CELF2: variants seen among roughly 807,000 people sequenced by gnomAD.
The protein encoded by CELF2 is CUGBP Elav-like family member 2.
A neutral mutation model predicts 62.6 loss-of-function variants in CELF2; 8 were observed. That is an observed-to-expected ratio of 0.13 (90% confidence interval 0.07 to 0.23). CELF2 has a LOEUF of 0.23. Among genes scored for constraint, CELF2 ranks in the 10% least tolerant of loss-of-function variants. CELF2 has a pLI of 1.00. For missense variants in CELF2, 333 were observed against 671.0 expected (o/e 0.50, Z 5.56); for synonymous variants, 258 against 250.0 (o/e 1.03, Z -0.30).
chr10:11,169,481 T>C (rs2068182232), intron 2 of CELF2, among the ~76,000 whole-genome samples: 1 of 152,228 alleles, frequency 6.6e-6, no homozygotes, highest in Non-Finnish European at 1.5e-5. Flanking sequence ...GCTTCAGGCA[T>C]GCAGGTGCGG....
intron 1 of CELF2, among the ~76,000 whole-genome samples, chr10:11,100,341 C>T (rs2051216849): frequency 6.6e-6 from 1 of 152,042 alleles, no homozygotes; most frequent in South Asian, 2.1e-4. Context: ...GGCCCTTTTC[C>T]ATTCCTAGGA....
chr10:11,145,333 T>C lies in CELF2; in HGVS notation c.75-20153T>C, dbSNP rs75538228. ...TTGAAAGAGCTGGCTGAGCTTCAGA[T>C]GGGTTTGCAGGAGTGTCAGGATTCA... On this transcript the variant is annotated intron_variant, in intron 1 of 12. Transcript: ENST00000633077. This position sits in a 1 kb window ranked among gnomAD's most constrained non-coding sequence, Gnocchi z 4.3. Among the ~76,000 whole-genome samples, 5,516 of 152,266 alleles carry C rather than the reference T, an allele frequency of 0.036. 127 individuals are homozygous for C. Among genetic ancestry groups the C allele is most frequent in the Middle Eastern group, 0.048 (14 of 294 alleles).
At chr10:10,798,614 G>A (rs1159841395), upstream of CELF2, 1 of 396,936 alleles carries the variant, frequency 2.5e-6, no homozygotes, top group Non-Finnish European at 4.4e-6. Context: ...TTGCGGGGTG[G>A]AGAGAAGTCA....
Position 10,993,133 on chromosome 10 carries a change from G to C in CELF2, c.89+73134G>C, listed in dbSNP as rs1232411270. On this transcript the variant is annotated intron_variant, in intron 2 of 13. Coordinates refer to the CELF2 transcript ENST00000636488. The surrounding 1 kb of genome is among the most constrained non-coding windows in gnomAD (Gnocchi z 5.3). ...GCCAGCTGCTGTTTCCCACCGAAGAGGCGAGTCAGCAGATCAGTAATAAGG... is the reference window on the plus strand; with the variant it reads ...GCCAGCTGCTGTTTCCCACCGAAGACGCGAGTCAGCAGATCAGTAATAAGG... Among the ~76,000 whole-genome samples the C allele has an allele frequency of 6.6e-6, 1 of 152,116 alleles. No homozygotes were observed. The highest frequency in any genetic ancestry group is 1.9e-4 in the East Asian group (1 of 5,182).
chr10:10,588,127 C>T, the CELF2 span, among the ~76,000 whole-genome samples: 1 of 152,098 alleles, frequency 6.6e-6, no homozygotes, highest in South Asian at 2.1e-4. Context: ...AGCCAGCAGG[C>T]CTAAAATTGT....
chr10:10,811,161 C>T (rs1002954749), intron 1 of CELF2, among the ~76,000 whole-genome samples: 1 of 152,216 alleles, frequency 6.6e-6, no homozygotes, highest in Non-Finnish European at 1.5e-5. Flanking sequence ...TCAAGGATCT[C>T]ATGGCAGCAG....
intron 2 of CELF2, among the ~76,000 whole-genome samples, chr10:11,210,024 G>A (rs987661808): frequency 2.6e-5 from 4 of 152,090 alleles, no homozygotes; most frequent in Non-Finnish European, 2.9e-5. Flanking sequence ...AAAAAATAGC[G>A]GGTTCACTAA....
chr10:11,120,663 A>G lies in CELF2; in HGVS notation c.75-44823A>G, dbSNP rs550425379. Among the ~76,000 whole-genome samples the G allele has an allele frequency of 5.9e-5, 9 of 152,320 alleles. No individual in the cohort carries two copies. The South Asian group carries it at 1.4e-3, about 25-fold the overall frequency. ...CTGCATTCAACTGTGAAACCCTGAA[A>G]GAGCCTTTGCTGTTACCTTTGCTGC... On this transcript the variant is annotated intron_variant, in intron 1 of 12. Transcript: ENST00000633077.
the CELF2 span, among the ~76,000 whole-genome samples, chr10:10,651,531 A>C: frequency 2.1e-5 from 2 of 94,232 alleles, no homozygotes; most frequent in Admixed American, 1.0e-4. Flanking sequence ...TCTGAGAACC[A>C]GCAGACTGCC....
the CELF2 span, among the ~76,000 whole-genome samples, chr10:10,669,555 C>T: frequency 2.3e-3 from 352 of 152,204 alleles, 2 homozygotes; most frequent in Non-Finnish European, 3.4e-3. Flanking sequence ...TGTGCAGATT[C>T]GGATTCTAAT....
the CELF2 span, among the ~76,000 whole-genome samples, chr10:10,598,248 A>G: frequency 2.6e-3 from 391 of 152,362 alleles, 3 homozygotes; most frequent in African/African-American, 9.0e-3. Context: ...TCAGGTAGAC[A>G]TGAATAAAGT....
intron 1 of CELF2, among the ~76,000 whole-genome samples, chr10:10,805,849 A>C (rs561019330): frequency 6.6e-6 from 1 of 152,330 alleles, no homozygotes; most frequent in African/African-American, 2.4e-5. Flanking sequence ...CCTTGTGTTC[A>C]TTAAGGACCA....
At chr10:11,114,438 C>T (rs989253033) in intron 1 of CELF2, among the ~76,000 whole-genome samples, 1 of 152,188 alleles carries the variant, frequency 6.6e-6, no homozygotes, top group African/African-American at 2.4e-5. Context: ...GATGCTGTGT[C>T]ATATCTTTTT....
chr10:10,695,735 A>G, the CELF2 span, among the ~76,000 whole-genome samples: 1 of 151,858 alleles, frequency 6.6e-6, no homozygotes, highest in African/African-American at 2.4e-5. Flanking sequence ...TAAACTTCCC[A>G]TCTCGCTTCA....
At chr10:11,198,784 A>G (rs1354313635) in intron 2 of CELF2, among the ~76,000 whole-genome samples, 1 of 152,226 alleles carries the variant, frequency 6.6e-6, no homozygotes, top group Non-Finnish European at 1.5e-5. Context: ...TTTTGCATAG[A>G]CTAGGTAGTC....
chr10:10,652,477 G>A, the CELF2 span, among the ~76,000 whole-genome samples: 7 of 133,290 alleles, frequency 5.3e-5, no homozygotes, highest in African/African-American at 2.0e-4. Context: ...AGAGAGAAAG[G>A]TCGGGTTACC....
In CELF2 at chr10:11,270,313, G is replaced by T. The variant is rs75350000; in HGVS notation, c.619-353G>T. ...ACAAAGCCAAGTCTGTCTTTAAGAC[G>T]AGCAGCCTGAGAAGCTCAATTAAAG... On this transcript the variant is annotated intron_variant, in intron 6 of 12. Transcript: ENST00000633077. The surrounding 1 kb of genome is among the most constrained non-coding windows in gnomAD (Gnocchi z 5.8). Among the ~76,000 whole-genome samples, 1 of 152,140 alleles carries T rather than the reference G, an allele frequency of 6.6e-6. No homozygotes were observed. Among genetic ancestry groups the T allele is most frequent in the Non-Finnish European group, 1.5e-5 (1 of 68,038 alleles).
the CELF2 span, among the ~76,000 whole-genome samples, chr10:10,528,107 G>T: frequency 2.0e-5 from 3 of 152,154 alleles, no homozygotes; most frequent in African/African-American, 7.2e-5. Flanking sequence ...CGCCAGATGT[G>T]CTTTCAATTT....
the CELF2 span, among the ~76,000 whole-genome samples, chr10:10,786,144 G>T: frequency 7.6e-3 from 1,164 of 152,234 alleles, 18 homozygotes; most frequent in African/African-American, 0.026. Context: ...ACTGGCTCCG[G>T]GGTCAGCCAC....
Sources: allele counts gnomAD v4.1 joint callset (sites outside exome capture counted in the v4.1 genomes callset), GRCh38; gene constraint gnomAD v4.1.1; non-coding constraint Gnocchi (gnomAD v3.1); transcripts MANE v1.5; gene names NCBI Gene and HGNC (gene_info 2026-07-23, HGNC 2026-07-21).